LMTK2: variants seen among roughly 807,000 people sequenced by gnomAD.
LMTK2 encodes the protein lemur tail kinase 2, also known as serine/threonine-protein kinase LMTK2.
LMTK2 carries 37 observed loss-of-function variants against 127.5 expected under a neutral mutation model. That is an observed-to-expected ratio of 0.29 (90% CI 0.22 to 0.38). LMTK2 has a LOEUF of 0.38. Ranked by LOEUF, LMTK2 falls within the 10% of genes least tolerant of loss-of-function variation. The pLI is 1.00. For synonymous variants in LMTK2, 819 were observed against 810.1 expected, an observed-to-expected ratio of 1.01 and a Z score of -0.19; for missense variants, 1,694 against 1,920.3, an observed-to-expected ratio of 0.88 and a Z score of 2.20.
intron 7 of LMTK2, among the ~76,000 whole-genome samples, chr7:98,182,319 G>A (rs924846777): frequency 6.6e-6 from 1 of 152,150 alleles, no homozygotes; most frequent in African/African-American, 2.4e-5. Flanking sequence ...ACCAAATGGA[G>A]AAAGTATTTG....
At chr7:98,195,595 C>T (rs1407231010) in intron 11 of LMTK2, among the ~76,000 whole-genome samples, 1 of 152,162 alleles carries the variant, frequency 6.6e-6, no homozygotes, top group African/African-American at 2.4e-5. Context: ...CCCTCACCTT[C>T]TAGAAGGCGC....
chr7:98,173,754 C>T (rs1253186822), intron 7 of LMTK2, among the ~76,000 whole-genome samples: 1 of 152,084 alleles, frequency 6.6e-6, no homozygotes, highest in African/African-American at 2.4e-5. Flanking sequence ...TTCTAAAACT[C>T]AAGTTAAAGA....
chr7:98,107,495 G>A (rs867246126), intron 1 of LMTK2, among the ~76,000 whole-genome samples: 1 of 152,276 alleles, frequency 6.6e-6, no homozygotes, highest in Non-Finnish European at 1.5e-5. Flanking sequence ...GGAGGGCGGC[G>A]GGCGAGGTAG....
At chr7:98,204,418 G>A (rs868124772) in intron 13 of LMTK2, among the ~76,000 whole-genome samples, 3 of 151,918 alleles carry the variant, frequency 2.0e-5, no homozygotes, top group Admixed American at 2.0e-4. Context: ...GCCTGGGAGT[G>A]TGAGACCAGC....
chr7:98,163,310 G>GA (rs1242830197), intron 6 of LMTK2, among the ~76,000 whole-genome samples: 1 of 151,994 alleles, frequency 6.6e-6, no homozygotes, highest in Non-Finnish European at 1.5e-5. Context: ...TACCCCAGTA[G>GA]AAAAAAATGG....
chr7:98,154,920 C>T, intron 5 of LMTK2, 44 bp downstream of exon 5: 1 of 1,121,654 alleles, frequency 8.9e-7, no homozygotes, highest in South Asian at 1.2e-5. Context: ...AGTCTGTGGT[C>T]TGTTGAAGGT....
intron 7 of LMTK2, among the ~76,000 whole-genome samples, chr7:98,172,127 C>T (rs1158406378): frequency 1.3e-5 from 2 of 152,110 alleles, no homozygotes; most frequent in African/African-American, 4.8e-5. Context: ...TGGTTTCTGG[C>T]CAGCTGAAGG....
At chr7:98,140,150 TTC>T (rs1238990904) in intron 2 of LMTK2, among the ~76,000 whole-genome samples, 302 of 6,178 alleles carry the variant, frequency 0.049, 72 homozygotes, top group African/African-American at 0.1. Flanking sequence ...TTCTTTTCTT[TTC>T]TTTTCTTTTC....
intron 7 of LMTK2, among the ~76,000 whole-genome samples, chr7:98,174,605 A>G (rs1797249114): frequency 1.3e-5 from 2 of 152,216 alleles, no homozygotes; most frequent in Non-Finnish European, 2.9e-5. Context: ...GGGGGTTCTC[A>G]TGGGCGGCCT....
intron 2 of LMTK2, among the ~76,000 whole-genome samples, chr7:98,138,990 G>A (rs1474625158): frequency 6.6e-6 from 1 of 152,166 alleles, no homozygotes; most frequent in Non-Finnish European, 1.5e-5. Flanking sequence ...TTAAAGCTGT[G>A]CAGTTTTAGA....
rs769563913 is a variant in LMTK2, at chr7:98,116,746, G to C, written c.103+9466G>C. ...TTGCTATTAAATAAGTCCACAGCTT[G>C]TTCAGTTTCTTTAATATTTCTCTAG... On this transcript the variant is annotated intron_variant, in intron 1 of 13. Transcript: ENST00000297293. Among the ~76,000 whole-genome samples, 14 of 152,270 alleles carry C rather than the reference G, an allele frequency of 9.2e-5. No homozygotes were observed. The Middle Eastern group carries it at 0.01, about 111-fold the overall frequency.
intron 2 of LMTK2, among the ~76,000 whole-genome samples, chr7:98,137,882 G>A (rs1273313634): frequency 6.6e-6 from 1 of 152,150 alleles, no homozygotes; most frequent in Non-Finnish European, 1.5e-5. Flanking sequence ...CCTCCACCCC[G>A]AAACTTCTGT....
rs1797604383 is a variant in LMTK2 at position 98,194,957 on chromosome 7, C to A, written c.4107+385C>A. Among the ~76,000 whole-genome samples the A allele has an allele frequency of 6.6e-6, 1 of 152,216 alleles. No individual in the cohort carries two copies. The highest frequency in any genetic ancestry group is 2.1e-4 in the South Asian group (1 of 4,826). ...CTCACTGCAGCCTTGAACTCCTGGG[C>A]TCAAGTGATCCTCCCACCTTCCATA... On this transcript the variant is annotated intron_variant, in intron 11 of 13. Coordinates refer to ENST00000297293, the MANE Select transcript of LMTK2 (RefSeq NM_014916.4). This position sits in a 1 kb window ranked among gnomAD's most constrained non-coding sequence, Gnocchi z 5.4.
chr7:98,157,292 G>C (rs1427542165), intron 5 of LMTK2, among the ~76,000 whole-genome samples: 1 of 148,830 alleles, frequency 6.7e-6, no homozygotes, highest in Non-Finnish European at 1.5e-5. Context: ...TAGGTAGGTA[G>C]GTAGGTAGAT....
chr7:98,188,460 T>G (rs1384392413), intron 9 of LMTK2, among the ~76,000 whole-genome samples: 1 of 152,070 alleles, frequency 6.6e-6, no homozygotes, highest in East Asian at 1.9e-4. Flanking sequence ...AAAAAGTTAT[T>G]ATTATATATA....
chr7:98,192,337 G>A lies in LMTK2; in HGVS notation c.1872G>A (p.Val624=). 1 of 1,573,706 alleles carries A rather than the reference G, an allele frequency of 6.4e-7. No homozygotes were observed. Among genetic ancestry groups the A allele is most frequent in the South Asian group, 1.2e-5 (1 of 82,268 alleles). ...KDSSLPGDLH[V]TSGPESPFNN... is the part of the protein sequence containing the mutation. ...CTAGCTTACCAGGGGACTTACACGT[G>A]ACCAGTGGCCCCGAGAGCCCTTTCA... Residue 624 remains valine (V), a synonymous_variant, in exon 11 of 14, where the codon GTG becomes GTA. Coordinates refer to ENST00000297293, the MANE Select transcript of LMTK2 (RefSeq NM_014916.4).
chr7:98,199,406 GGATGAT>G (rs1797676307), intron 11 of LMTK2, among the ~76,000 whole-genome samples: 1 of 152,172 alleles, frequency 6.6e-6, no homozygotes, highest in African/African-American at 2.4e-5. Flanking sequence ...TATACATTGA[GGATGAT>G]GATGTCTTCT....
At chr7:98,113,423 GCACT>G (rs1193278067) in intron 1 of LMTK2, among the ~76,000 whole-genome samples, 1 of 152,006 alleles carries the variant, frequency 6.6e-6, no homozygotes, top group African/African-American at 2.4e-5. Context: ...ATTCTTTATA[GCACT>G]GTAAGAATGG....
Position 98,205,637 on chromosome 7 carries a change from C to G in LMTK2, c.*145C>G. ...TCCAGAGGTGAAGAGGGAGACGGCT[C>G]TTAGCTGCGTTCAAGGCGGGGCCCT... On this transcript the variant is annotated 3_prime_UTR_variant, in exon 14 of 14. Coordinates refer to ENST00000297293, the MANE Select transcript of LMTK2 (RefSeq NM_014916.4). 1.1e-6 allele frequency: 1 copy of G among 886,118 alleles called. No homozygotes were observed. The highest frequency in any genetic ancestry group is 1.8e-6 in the Non-Finnish European group (1 of 568,300). The allele number at this position is 886,118 out of a possible 1,614,324, so 54.9% of individuals were successfully genotyped here.
Sources: allele counts gnomAD v4.1 joint callset (sites outside exome capture counted in the v4.1 genomes callset), GRCh38; gene constraint gnomAD v4.1.1; non-coding constraint Gnocchi (gnomAD v3.1); transcripts MANE v1.5; gene names NCBI Gene and HGNC (gene_info 2026-07-23, HGNC 2026-07-21).